The following FRAS1 variants were observed in gnomAD, a reference collection of about 807,000 sequenced individuals.
FRAS1 encodes the protein extracellular matrix organizing protein FRAS1.
A neutral mutation model predicts 435.2 loss-of-function variants in FRAS1; 290 were observed. The ratio of observed to expected loss-of-function variants is 0.67; its 90% confidence interval spans 0.61 to 0.73. The LOEUF is 0.73. FRAS1 is among the 30% of genes least tolerant of loss of function. The pLI, the probability that FRAS1 is intolerant of heterozygous loss-of-function variation, is 0.00. For missense variants in FRAS1, 4,860 were observed against 5,001.5 expected, an observed-to-expected ratio of 0.97 and a Z score of 0.85; for synonymous variants, 1,800 against 1,851.0, an observed-to-expected ratio of 0.97 and a Z score of 0.71.
At chr4:78,527,271 A>G (rs1721564965) in intron 70 of FRAS1, among the ~76,000 whole-genome samples, 1 of 152,150 alleles carries the variant, frequency 6.6e-6, no homozygotes, top group Non-Finnish European at 1.5e-5. Context: ...ACTCAACCAT[A>G]CATGAGCCCA....
At chr4:78,226,003 T>A (rs1472968945) in intron 2 of FRAS1, among the ~76,000 whole-genome samples, 1 of 152,208 alleles carries the variant, frequency 6.6e-6, no homozygotes, top group Non-Finnish European at 1.5e-5. Context: ...CATTATGTTT[T>A]AAATATTTCA....
At chr4:78,196,840 A>T (rs1185080335) in intron 2 of FRAS1, among the ~76,000 whole-genome samples, 1 of 152,096 alleles carries the variant, frequency 6.6e-6, no homozygotes, top group Non-Finnish European at 1.5e-5. Flanking sequence ...CTTGAATGAG[A>T]TTTTTTTCCT....
chr4:78,532,436 A>G (rs1192771855), intron 70 of FRAS1, among the ~76,000 whole-genome samples: 1 of 152,214 alleles, frequency 6.6e-6, no homozygotes, highest in Non-Finnish European at 1.5e-5. Context: ...ATGGTTTGAT[A>G]CACATAGTGA....
chr4:78,482,209 T>C (rs1050153186), intron 57 of FRAS1, among the ~76,000 whole-genome samples, 179 bp from the exon 58 acceptor site: 1 of 152,236 alleles, frequency 6.6e-6, no homozygotes, highest in African/African-American at 2.4e-5. Flanking sequence ...ACTCATTTGA[T>C]ATAAACATCT....
At chr4:78,323,245 A>T (rs886136775) in intron 18 of FRAS1, among the ~76,000 whole-genome samples, 8 of 152,246 alleles carry the variant, frequency 5.3e-5, no homozygotes, top group Non-Finnish European at 1.2e-4. Context: ...ATTGTAAAAG[A>T]TTGGAGACAT....
intron 2 of FRAS1, among the ~76,000 whole-genome samples, chr4:78,178,275 T>C: frequency 6.6e-6 from 1 of 152,196 alleles, no homozygotes; most frequent in South Asian, 2.1e-4. Context: ...GAATGATTAC[T>C]GCAGGCACCT....
chr4:78,253,544 C>T (rs1228136696), intron 5 of FRAS1, among the ~76,000 whole-genome samples: 1 of 152,174 alleles, frequency 6.6e-6, no homozygotes, highest in Non-Finnish European at 1.5e-5. Flanking sequence ...CAGCTGGTCC[C>T]TCCGTTTGGG....
At chr4:78,344,286 G>T (rs1730513635) in intron 20 of FRAS1, among the ~76,000 whole-genome samples, 1 of 152,074 alleles carries the variant, frequency 6.6e-6, no homozygotes. Context: ...TATGAAAAGT[G>T]CTGTGCTAAT....
intron 20 of FRAS1, among the ~76,000 whole-genome samples, chr4:78,354,758 C>T (rs1175949948): frequency 1.3e-5 from 2 of 152,190 alleles, no homozygotes; most frequent in African/African-American, 2.4e-5. Context: ...CTAAATTTGT[C>T]TTTATAGGTC....
chr4:78,176,826 G>A (rs897350243), intron 2 of FRAS1, among the ~76,000 whole-genome samples: 1 of 152,164 alleles, frequency 6.6e-6, no homozygotes, highest in Admixed American at 6.5e-5. Context: ...ACAAGGAAGG[G>A]GCCTTGTAGC....
chr4:78,252,468 C>G lies in FRAS1; in HGVS notation c.386C>G (p.Pro129Arg). ...NHGEVRCTPQ[P>R]CPPLSCGHQE... ...GGGGAAGTCCGATGTACCCCCCAAC[C>G]ATGCCCACCGCTGTCATGTGGACAC... Residue 129 changes from proline (P) to arginine (R), a missense_variant, in exon 5 of 74, where the codon CCA (proline) becomes CGA (arginine). Coordinates refer to ENST00000512123, the MANE Select transcript of FRAS1 (RefSeq NM_025074.7). 1 of 1,613,724 alleles carries G rather than the reference C, an allele frequency of 6.2e-7. No individual in the cohort carries two copies. The highest frequency in any genetic ancestry group is 8.5e-7 in the Non-Finnish European group (1 of 1,179,804).
At chr4:78,128,094 A>G (rs1280681876) in intron 2 of FRAS1, among the ~76,000 whole-genome samples, 3 of 152,018 alleles carry the variant, frequency 2.0e-5, no homozygotes, top group African/African-American at 7.3e-5. Flanking sequence ...ATCATTTTTT[A>G]TGGCTGCATA....
intron 65 of FRAS1, among the ~76,000 whole-genome samples, chr4:78,514,597 C>A (rs2109887463): frequency 6.6e-6 from 1 of 152,288 alleles, no homozygotes; most frequent in East Asian, 1.9e-4. Flanking sequence ...GTGGAAGAGA[C>A]ATACTGTGTT....
At chr4:78,292,811 G>A (rs73827945) in intron 14 of FRAS1, among the ~76,000 whole-genome samples, 2,090 of 152,246 alleles carry the variant, frequency 0.014, 52 homozygotes, top group African/African-American at 0.047. Context: ...TTTCATTGCC[G>A]GGTCACATAC....
intron 38 of FRAS1, among the ~76,000 whole-genome samples, chr4:78,437,326 A>G (rs1734468826): frequency 6.6e-6 from 1 of 152,216 alleles, no homozygotes; most frequent in South Asian, 2.1e-4. Context: ...TGTCTTTTTA[A>G]AAGTCTCTCT....
intron 2 of FRAS1, among the ~76,000 whole-genome samples, chr4:78,098,383 C>G (rs1741930722): frequency 6.6e-6 from 1 of 150,484 alleles, no homozygotes; most frequent in South Asian, 2.1e-4. Flanking sequence ...TCCTGCAATT[C>G]TCCTGCCTCA....
intron 2 of FRAS1, among the ~76,000 whole-genome samples, chr4:78,087,737 C>G (rs1029350550): frequency 6.6e-6 from 1 of 152,094 alleles, no homozygotes; most frequent in African/African-American, 2.4e-5. Context: ...AGGACCTCTT[C>G]AAGGAGAACT....
At position 78,165,788 on chromosome 4, in the gene FRAS1, C is replaced by A. The variant is rs374099517; in HGVS notation, c.109-71722C>A. ...TGTTGACTGGACAACAAGATGAGAG[C>A]ATTACATGTTTTTTATTATCCAGCA... On this transcript the variant is annotated intron_variant, in intron 2 of 73. Transcript: ENST00000512123. 9.2e-5 allele frequency among the ~76,000 whole-genome samples: 14 copies of A among 152,214 alleles called. No individual in the cohort carries two copies. In the South Asian group the frequency reaches 2.9e-3, roughly 32 times the overall value.
intron 72 of FRAS1, among the ~76,000 whole-genome samples, chr4:78,537,921 G>A (rs1394480657): frequency 6.6e-6 from 1 of 150,988 alleles, no homozygotes; most frequent in East Asian, 1.9e-4. Context: ...ACTCCAGCCT[G>A]GGCAACAGAG....
Sources: gnomAD v4.1 joint callset for allele counts (sites outside exome capture counted in the v4.1 genomes callset) on GRCh38, gnomAD v4.1.1 for gene constraint, MANE v1.5 for transcripts, NCBI Gene and HGNC (gene_info 2026-07-23, HGNC 2026-07-21) for gene names.